CCDC171: variants seen among roughly 807,000 people sequenced by gnomAD.
CCDC171 encodes the protein coiled-coil domain containing 171.
CCDC171 carries 177 observed loss-of-function variants against 168.2 expected under a neutral mutation model. That is an observed-to-expected ratio of 1.05 (90% CI 0.93 to 1.19). CCDC171 has a LOEUF of 1.19. Among genes scored for constraint, CCDC171 ranks in the 50% most tolerant of loss-of-function variants. CCDC171 has a pLI of 0.00. For missense variants in CCDC171, 1,991 were observed against 1,539.0 expected (o/e 1.29, Z -4.91); for synonymous variants, 687 against 540.8 (o/e 1.27, Z -3.75).
chr9:15,723,731 C>G lies in CCDC171; in HGVS notation c.1476C>G (p.His492Gln). Residue 492 changes from histidine to glutamine, a missense_variant, in exon 13 of 26, where the codon CAC becomes CAG. Transcript: ENST00000380701. ...LDSTKQKIDS[H>Q]TKNIKELQDK... ...CTACGAAACAGAAGATAGACTCTCA[C>G]ACTAAAAATATAAAGGTATTATTTA... 3 of 1,523,246 alleles carry G rather than the reference C, an allele frequency of 2.0e-6. No homozygotes were observed. The African/African-American group carries it at 4.1e-5, about 21-fold the overall frequency. The allele number at this position is 1,523,246 out of a possible 1,614,324, so 94.4% of individuals were successfully genotyped here.
At chr9:15,920,028 A>T (rs1219317715) in intron 24 of CCDC171, among the ~76,000 whole-genome samples, 1 of 151,754 alleles carries the variant, frequency 6.6e-6, no homozygotes, top group Non-Finnish European at 1.5e-5. Flanking sequence ...TAAGCACAAT[A>T]GATCAAAGTA....
chr9:15,910,198 A>G (rs538004122), intron 24 of CCDC171, among the ~76,000 whole-genome samples: 1 of 133,002 alleles, frequency 7.5e-6, no homozygotes, highest in East Asian at 2.3e-4. Context: ...ACACACACAC[A>G]CACCATATTT....
rs1037903172 is a variant in CCDC171, at chr9:15,779,114, G to C, written c.3045G>C (p.Gln1015His). The change falls in exon 20 of 26, where the codon CAG becomes CAC. Residue 1015 changes from glutamine (Q) to histidine (H), a missense_variant. By Grantham distance (24) the Gln-to-His change is conservative (BLOSUM62 0). Transcript: ENST00000380701. ...NEMKKELDKAQGLQMQLNEFK... is the reference protein window; with the variant it reads ...NEMKKELDKAHGLQMQLNEFK... ...TGAAAAAGGAGCTTGACAAAGCCCA[G>C]GGTCTGCAAATGCAATTAAATGAAT... is the stretch of plus-strand genomic sequence containing the variant. 5.7e-6 allele frequency: 9 copies of C among 1,590,432 alleles called. No homozygotes were observed. The highest frequency in any genetic ancestry group is 5.4e-5 in the Admixed American group (3 of 55,238).
intron 3 of CCDC171, among the ~76,000 whole-genome samples, chr9:15,982,469 G>T (rs369889426): frequency 2.0e-5 from 3 of 152,092 alleles, no homozygotes; most frequent in Non-Finnish European, 4.4e-5. Context: ...TTACTGTCTC[G>T]GATGGAGTAG....
downstream of CCDC171, among the ~76,000 whole-genome samples, chr9:16,062,835 C>A (rs1244682008): frequency 6.6e-6 from 1 of 152,126 alleles, no homozygotes; most frequent in African/African-American, 2.4e-5. Context: ...ACTTGGAGAT[C>A]CTTGAAGGAT....
chr9:15,827,569 T>C lies in CCDC171; in HGVS notation c.3268-19133T>C, dbSNP rs117686204. Among the ~76,000 whole-genome samples, 987 of 152,306 alleles carry C rather than the reference T, an allele frequency of 6.5e-3. 32 individuals are homozygous for C. Among genetic ancestry groups the C allele is most frequent in the East Asian group, 0.044 (230 of 5,192 alleles). On this transcript the variant is annotated intron_variant, in intron 21 of 25. Coordinates refer to ENST00000380701, the MANE Select transcript of CCDC171 (RefSeq NM_173550.4). ...GTTTATTTTCGTAGAAATCTTCTAT[T>C]TTATTCAAGTTTGAAAGTGTTTCAT...
chr9:15,983,388 A>C (rs1831866744), intron 3 of CCDC171, among the ~76,000 whole-genome samples: 1 of 151,878 alleles, frequency 6.6e-6, no homozygotes. Flanking sequence ...AACATATTTT[A>C]CTATTTTAAC....
chr9:15,569,846 C>CAAAAACAA (rs1554680996), intron 2 of CCDC171, among the ~76,000 whole-genome samples: 2,235 of 139,766 alleles, frequency 0.016, 18 homozygotes, highest in Non-Finnish European at 0.019. Flanking sequence ...AACAAACAAA[C>CAAAAACAA]AAAAAAAAAA....
chr9:15,800,463 AT>A (rs1185047638), intron 21 of CCDC171, among the ~76,000 whole-genome samples: 1 of 151,890 alleles, frequency 6.6e-6, no homozygotes, highest in Non-Finnish European at 1.5e-5. Context: ...AGATTATTAG[AT>A]TTTTTTCCTA....
chr9:15,872,094 C>G (rs372791340), intron 23 of CCDC171, among the ~76,000 whole-genome samples: 109 of 152,024 alleles, frequency 7.2e-4, no homozygotes, highest in African/African-American at 2.4e-3. Flanking sequence ...TCATGGGTCT[C>G]TCACTCTTGA....
intron 10 of CCDC171, among the ~76,000 whole-genome samples, chr9:15,694,244 G>T (rs952705716): frequency 2.0e-5 from 3 of 152,022 alleles, no homozygotes; most frequent in African/African-American, 4.8e-5. Flanking sequence ...ACACTTTAAG[G>T]CAAGTTTCAG....
chr9:15,883,986 C>A (rs528807426), intron 24 of CCDC171, among the ~76,000 whole-genome samples: 1 of 152,230 alleles, frequency 6.6e-6, no homozygotes, highest in East Asian at 1.9e-4. Context: ...AATCCTTCCC[C>A]CTGTAGACAC....
chr9:15,570,505 G>C (rs560357411), intron 2 of CCDC171, among the ~76,000 whole-genome samples: 88 of 151,920 alleles, frequency 5.8e-4, no homozygotes, highest in African/African-American at 2.0e-3. Flanking sequence ...TTAAACTTTT[G>C]GTGATTGTTG....
At chr9:15,898,613 G>A (rs1821224414) in intron 24 of CCDC171, among the ~76,000 whole-genome samples, 1 of 151,974 alleles carries the variant, frequency 6.6e-6, no homozygotes, top group South Asian at 2.1e-4. Context: ...TTGTTTATTT[G>A]TTTCTAAAAT....
At chr9:15,599,119 CTT>C (rs1196404554) in intron 6 of CCDC171, among the ~76,000 whole-genome samples, 1 of 152,150 alleles carries the variant, frequency 6.6e-6, no homozygotes, top group East Asian at 1.9e-4. Flanking sequence ...CAGTGTGTGT[CTT>C]TTAATTGGAG....
chr9:15,833,653 C>A (rs1439336856), intron 21 of CCDC171, among the ~76,000 whole-genome samples: 1 of 152,136 alleles, frequency 6.6e-6, no homozygotes, highest in African/African-American at 2.4e-5. Context: ...TCTTTGTAAA[C>A]TTATAAACCT....
chr9:15,667,818 T>C (rs2048839984), intron 9 of CCDC171, among the ~76,000 whole-genome samples: 2 of 152,212 alleles, frequency 1.3e-5, no homozygotes, highest in South Asian at 4.1e-4. Context: ...ATAATGCTTA[T>C]AATATTTTAA....
At chr9:15,599,055 A>G (rs935363645) in intron 6 of CCDC171, among the ~76,000 whole-genome samples, 3 of 152,020 alleles carry the variant, frequency 2.0e-5, no homozygotes, top group African/African-American at 7.3e-5. Context: ...TGCATGTGAG[A>G]TGGGTCTCCT....
chr9:15,637,139 C>T (rs2046261137), intron 7 of CCDC171, among the ~76,000 whole-genome samples: 1 of 152,032 alleles, frequency 6.6e-6, no homozygotes, highest in African/African-American at 2.4e-5. Flanking sequence ...GCCTGTAATC[C>T]TAGCTGCTCT....
Sources: allele counts gnomAD v4.1 joint callset (sites outside exome capture counted in the v4.1 genomes callset), GRCh38; gene constraint gnomAD v4.1.1; transcripts MANE v1.5; gene names NCBI Gene and HGNC (gene_info 2026-07-23, HGNC 2026-07-21).